Variants in USP25 observed in about 807,000 individuals in gnomAD.
USP25 encodes ubiquitin specific peptidase 25.
USP25 carries 85 observed loss-of-function variants against 158.5 expected under a neutral mutation model. The ratio of observed to expected loss-of-function variants is 0.54; its 90% CI spans 0.45 to 0.64. USP25 has a LOEUF of 0.64. Ranked by LOEUF, USP25 falls within the 30% of genes least tolerant of loss-of-function variation. USP25 has a pLI of 0.00. For missense variants in USP25, 1,242 were observed against 1,327.3 expected, an observed-to-expected ratio of 0.94 and a Z score of 1.00; for synonymous variants, 464 against 460.4, an observed-to-expected ratio of 1.01 and a Z score of -0.10.
chr21:15,745,991 C>T (rs751071966), intron 1 of USP25, among the ~76,000 whole-genome samples: 31 of 152,114 alleles, frequency 2.0e-4, no homozygotes, highest in Non-Finnish European at 4.0e-4. Flanking sequence ...TATATTGGTA[C>T]CTTTATGGAA....
At chr21:15,778,197 G>A (rs2123503367) in intron 4 of USP25, among the ~76,000 whole-genome samples, 170 bp downstream of exon 4, 1 of 152,100 alleles carries the variant, frequency 6.6e-6, no homozygotes, top group Admixed American at 6.5e-5. Flanking sequence ...ATTTAGTTTT[G>A]ATTGCAATTG....
intron 7 of USP25, among the ~76,000 whole-genome samples, chr21:15,807,012 C>G (rs2036425648): frequency 6.6e-6 from 1 of 152,238 alleles, no homozygotes; most frequent in Non-Finnish European, 1.5e-5. Context: ...CAGCATCAGC[C>G]TCCTGGGCTC....
rs368936669 is a variant in USP25, at chr21:15,875,403, C to T, written c.3009+877C>T. On this transcript the variant is annotated intron_variant, in intron 24 of 25. Coordinates refer to ENST00000400183, the MANE Select transcript of USP25 (RefSeq NM_001283041.3). This position sits in a 1 kb window ranked among gnomAD's most constrained non-coding sequence, Gnocchi z 4.7. ...TTACATAGGAATTGAAATGAAACCT[C>T]GTCAAGATTACTTTAGTGTTCCTTT... Among the ~76,000 whole-genome samples, 1 of 152,114 alleles carries T rather than the reference C, an allele frequency of 6.6e-6. No homozygotes were observed. The highest frequency in any genetic ancestry group is 2.4e-5 in the African/African-American group (1 of 41,418).
Position 15,730,391 on chromosome 21 carries a change from GC to G in USP25, c.-1del. On this transcript the variant is annotated 5_prime_UTR_variant, in exon 1 of 26. Transcript: ENST00000400183. ...CGCCGCCGCCGCCGCCGCCGCGGGG[GC>G]CATGACCGTGGAGCAGAACGTGCTG... 7.7e-7 allele frequency: 1 copy of G among 1,303,590 alleles called. No individual in the cohort carries two copies. Among genetic ancestry groups the G allele is most frequent in the Non-Finnish European group, 9.8e-7 (1 of 1,019,750 alleles). 80.8% of individuals were successfully genotyped at this position (1,303,590 alleles called of 1,614,324 possible).
intron 3 of USP25, among the ~76,000 whole-genome samples, chr21:15,772,418 G>A (rs571219450): frequency 6.6e-6 from 1 of 152,180 alleles, no homozygotes; most frequent in Non-Finnish European, 1.5e-5. Flanking sequence ...CCAGCTAACT[G>A]TTCCCATGTG....
At chr21:15,803,458 T>C (rs1031183427) in intron 6 of USP25, among the ~76,000 whole-genome samples, 28 of 151,714 alleles carry the variant, frequency 1.8e-4, no homozygotes, top group Non-Finnish European at 3.5e-4. Flanking sequence ...CTTTCAAAAA[T>C]AAATCAGTAT....
At chr21:15,799,648 A>C (rs2146249319) in intron 5 of USP25, 109 bp from the exon 6 acceptor site, 2 of 598,664 alleles carry the variant, frequency 3.3e-6, no homozygotes, top group Non-Finnish European at 5.6e-6. Context: ...AATGATTCTG[A>C]GTATAAGTAG....
chr21:15,731,976 A>G (rs2123129224), intron 1 of USP25, among the ~76,000 whole-genome samples: 1 of 152,328 alleles, frequency 6.6e-6, no homozygotes, highest in East Asian at 1.9e-4. Flanking sequence ...CCTAAGTTTG[A>G]ACAATGGGAA....
intron 20 of USP25, among the ~76,000 whole-genome samples, chr21:15,862,748 C>CAA (rs11308815): frequency 7.1e-5 from 10 of 140,428 alleles, no homozygotes; most frequent in South Asian, 4.5e-4. Context: ...TGTATATCCT[C>CAA]AAAAAAAAAA....
intron 3 of USP25, among the ~76,000 whole-genome samples, chr21:15,770,537 G>A (rs1404740655): frequency 6.6e-6 from 1 of 152,016 alleles, no homozygotes; most frequent in Admixed American, 6.6e-5. Flanking sequence ...ACAAAACTCT[G>A]GAATGACTCC....
intron 14 of USP25, 72 bp downstream of exon 14, chr21:15,827,275 A>G: frequency 8.1e-7 from 1 of 1,232,700 alleles, no homozygotes; most frequent in Non-Finnish European, 1.2e-6. Context: ...TGAGAAGGGA[A>G]ATCACGTCTG....
chr21:15,784,322 C>T (rs1301300402), intron 4 of USP25, among the ~76,000 whole-genome samples: 1 of 152,172 alleles, frequency 6.6e-6, no homozygotes, highest in African/African-American at 2.4e-5. Flanking sequence ...CCTGTAATGC[C>T]AGCACTTTCG....
chr21:15,828,737 C>T (rs1164964224), intron 14 of USP25, among the ~76,000 whole-genome samples: 3 of 152,184 alleles, frequency 2.0e-5, no homozygotes. Flanking sequence ...CTCCCAGGTT[C>T]AAGCGATTCT....
At chr21:15,789,233 G>A (rs370259505) in intron 4 of USP25, among the ~76,000 whole-genome samples, 9 of 152,036 alleles carry the variant, frequency 5.9e-5, no homozygotes, top group African/African-American at 1.9e-4. Context: ...TTTTTTGGTA[G>A]AGCAGAAGAC....
Position 15,787,897 on chromosome 21 carries a change from C to T in USP25, c.393-3605C>T, listed in dbSNP as rs1411604352. On this transcript the variant is annotated intron_variant, in intron 4 of 25. Coordinates refer to ENST00000400183, the MANE Select transcript of USP25 (RefSeq NM_001283041.3). ...ACAAAAACAATAAAATAATAACACCCCCTCACCCCCCCCCCAAGTAAAACC... is the reference window on the plus strand; with the variant it reads ...ACAAAAACAATAAAATAATAACACCTCCTCACCCCCCCCCCAAGTAAAACC... 7.9e-5 allele frequency among the ~76,000 whole-genome samples: 10 copies of T among 126,906 alleles called. No individual in the cohort carries two copies. The East Asian group carries it at 1.1e-3, about 14-fold the overall frequency. The allele number at this position is 126,906 out of a possible 152,430, so 83.3% of individuals were successfully genotyped here. A position where few individuals can be genotyped will look rare whatever the true frequency, so the allele number is the denominator to read the frequency against.
At chr21:15,801,864 C>A (rs1469079543) in intron 6 of USP25, among the ~76,000 whole-genome samples, 1 of 151,426 alleles carries the variant, frequency 6.6e-6, no homozygotes, top group Non-Finnish European at 1.5e-5. Context: ...TGAAAGAAAT[C>A]TAGTATTTGA....
intron 1 of USP25, among the ~76,000 whole-genome samples, chr21:15,756,700 T>C (rs1357836012): frequency 6.6e-6 from 1 of 152,200 alleles, no homozygotes; most frequent in Non-Finnish European, 1.5e-5. Flanking sequence ...CACTTAAGGA[T>C]GTTATTGTGC....
At chr21:15,806,103 A>G (rs1055500365) in intron 7 of USP25, among the ~76,000 whole-genome samples, 1 of 152,186 alleles carries the variant, frequency 6.6e-6, no homozygotes, top group Non-Finnish European at 1.5e-5. Context: ...ATGTTGTTGC[A>G]TTTTTAAAAA....
At chr21:15,779,490 T>G (rs1159211692) in intron 4 of USP25, among the ~76,000 whole-genome samples, 1 of 151,752 alleles carries the variant, frequency 6.6e-6, no homozygotes, top group African/African-American at 2.4e-5. Flanking sequence ...TTTATATGAG[T>G]ATATGAATAT....
Sources: allele counts gnomAD v4.1 joint callset (sites outside exome capture counted in the v4.1 genomes callset), GRCh38; gene constraint gnomAD v4.1.1; non-coding constraint Gnocchi (gnomAD v3.1); transcripts MANE v1.5; gene names NCBI Gene and HGNC (gene_info 2026-07-23, HGNC 2026-07-21).